The following CACNA2D2 variants were observed in gnomAD, a reference collection of about 807,000 sequenced individuals.
The protein encoded by CACNA2D2 is calcium voltage-gated channel auxiliary subunit alpha2delta 2.
CACNA2D2 carries 48 observed loss-of-function variants against 166.4 expected under a neutral mutation model. That is an observed-to-expected ratio of 0.29 (90% CI 0.23 to 0.37). CACNA2D2 has a LOEUF of 0.37. CACNA2D2 is among the 10% of genes least tolerant of loss of function. The pLI, the probability that CACNA2D2 is intolerant of heterozygous loss-of-function variation, is 1.00. For missense variants in CACNA2D2, 1,122 were observed against 1,433.0 expected, an observed-to-expected ratio of 0.78 and a Z score of 3.50; for synonymous variants, 561 against 573.7, an observed-to-expected ratio of 0.98 and a Z score of 0.32.
chr3:50,403,283 G>C (rs968549006), intron 3 of CACNA2D2, among the ~76,000 whole-genome samples: 10 of 152,070 alleles, frequency 6.6e-5, no homozygotes, highest in African/African-American at 2.4e-4. Context: ...TCCAGGTTCT[G>C]GGTTGCTCCT....
intron 3 of CACNA2D2, among the ~76,000 whole-genome samples, chr3:50,395,343 C>A (rs910005451): frequency 1.3e-5 from 2 of 152,162 alleles, no homozygotes; most frequent in Admixed American, 6.5e-5. Flanking sequence ...CCGGCTCAGG[C>A]TGGGCCCCGG....
chr3:50,371,491 G>A (rs1156915813), intron 22 of CACNA2D2, among the ~76,000 whole-genome samples: 1 of 152,190 alleles, frequency 6.6e-6, no homozygotes, highest in African/African-American at 2.4e-5. Flanking sequence ...GCACCTGGGA[G>A]GGGTCCCTCT....
intron 2 of CACNA2D2, among the ~76,000 whole-genome samples, chr3:50,456,804 G>A (rs1190390322): frequency 3.3e-5 from 5 of 152,330 alleles, no homozygotes; most frequent in Non-Finnish European, 5.9e-5. Flanking sequence ...TCATGCATAT[G>A]AGGCTACCCC....
intron 4 of CACNA2D2, among the ~76,000 whole-genome samples, chr3:50,390,640 C>CT (rs973854502): frequency 3.3e-5 from 5 of 152,172 alleles, no homozygotes; most frequent in African/African-American, 1.2e-4. Context: ...GTCACCCACT[C>CT]TGAGCTCACA....
At chr3:50,396,058 C>T (rs534495853) in intron 3 of CACNA2D2, among the ~76,000 whole-genome samples, 60 of 152,278 alleles carry the variant, frequency 3.9e-4, no homozygotes, top group African/African-American at 1.4e-3. Context: ...AGCCCAGCCT[C>T]ACACTCCTAG....
chr3:50,411,529 T>C (rs1344071278), intron 3 of CACNA2D2, among the ~76,000 whole-genome samples: 1 of 152,218 alleles, frequency 6.6e-6, no homozygotes, highest in Non-Finnish European at 1.5e-5. Context: ...CCCAACCGAC[T>C]GTCCACCAGA....
intron 2 of CACNA2D2, among the ~76,000 whole-genome samples, chr3:50,441,180 C>T (rs1224587273): frequency 3.9e-5 from 6 of 152,058 alleles, no homozygotes; most frequent in South Asian, 4.1e-4. Context: ...AAAGGCCTGG[C>T]GGCTCTGTGG....
chr3:50,380,879 C>T lies in CACNA2D2; in HGVS notation c.785-74G>A, dbSNP rs1705270135. On this transcript the variant is annotated intron_variant, in intron 7 of 37. Coordinates refer to ENST00000424201, the MANE Select transcript of CACNA2D2 (RefSeq NM_006030.4). This position sits in a 1 kb window ranked among gnomAD's most constrained non-coding sequence, Gnocchi z 4.9. ...GGGTAGGCAGACCTTGCAGAGGCGA[C>T]TGGGCTGCCACAGACTACAGAGAAG... The T allele has an allele frequency of 1.3e-6, 2 of 1,530,122 alleles. No individual in the cohort carries two copies. The highest frequency in any genetic ancestry group is 1.4e-5 in the African/African-American group (1 of 72,896). The allele number at this position is 1,530,122 out of a possible 1,614,324, so 94.8% of individuals were successfully genotyped here. A position where few individuals can be genotyped will look rare whatever the true frequency, so the allele number is the denominator to read the frequency against.
At chr3:50,492,189 C>T (rs746741167) in intron 1 of CACNA2D2, among the ~76,000 whole-genome samples, 4 of 152,290 alleles carry the variant, frequency 2.6e-5, no homozygotes, top group Non-Finnish European at 5.9e-5. Context: ...CTATGCGTTA[C>T]GTCCGTGGCT....
At chr3:50,428,257 C>A (rs1443196194) in intron 3 of CACNA2D2, among the ~76,000 whole-genome samples, 1 of 152,178 alleles carries the variant, frequency 6.6e-6, no homozygotes, top group Non-Finnish European at 1.5e-5. Flanking sequence ...GCAGCCCCAC[C>A]GCAAAGCAGG....
chr3:50,438,162 C>A (rs553769773), intron 2 of CACNA2D2, among the ~76,000 whole-genome samples: 1 of 152,258 alleles, frequency 6.6e-6, no homozygotes, highest in African/African-American at 2.4e-5. Flanking sequence ...TGGCTGAGGT[C>A]CCAAGGGACA....
chr3:50,475,992 G>T, intron 2 of CACNA2D2, 126 bp downstream of exon 2: 2 of 764,988 alleles, frequency 2.6e-6, no homozygotes, highest in Non-Finnish European at 4.3e-6. Flanking sequence ...GCCCCCACGG[G>T]CCCATCAGGT....
intron 2 of CACNA2D2, among the ~76,000 whole-genome samples, chr3:50,473,573 A>G (rs1482062303): frequency 6.6e-6 from 1 of 152,214 alleles, no homozygotes; most frequent in Non-Finnish European, 1.5e-5. Flanking sequence ...GCAGTATCAC[A>G]GCTGGGCCAG....
chr3:50,459,016 G>A (rs1346439994), intron 2 of CACNA2D2, among the ~76,000 whole-genome samples: 3 of 152,248 alleles, frequency 2.0e-5, no homozygotes, highest in African/African-American at 7.2e-5. Context: ...CAGGGGACAG[G>A]GCCAGAGCTC....
chr3:50,443,966 T>C (rs891409301), intron 2 of CACNA2D2, among the ~76,000 whole-genome samples: 2 of 152,148 alleles, frequency 1.3e-5, no homozygotes, highest in Non-Finnish European at 2.9e-5. Flanking sequence ...GAAACAGTCA[T>C]TGTGGCCCAG....
intron 1 of CACNA2D2, among the ~76,000 whole-genome samples, chr3:50,499,158 TGA>T (rs1205133424): frequency 6.6e-6 from 1 of 152,170 alleles, no homozygotes; most frequent in Non-Finnish European, 1.5e-5. Context: ...GGGCACAGCC[TGA>T]GAGAGTGGCA....
chr3:50,495,679 A>G (rs966704124), intron 1 of CACNA2D2, among the ~76,000 whole-genome samples: 1 of 152,198 alleles, frequency 6.6e-6, no homozygotes, highest in Non-Finnish European at 1.5e-5. Context: ...CCAAACCCAC[A>G]GCAGATACTC....
chr3:50,363,558 T>G lies in CACNA2D2; in HGVS notation c.*1108A>C. 6.3e-6 allele frequency: 2 copies of G among 317,500 alleles called. No homozygotes were observed. Among genetic ancestry groups the G allele is most frequent in the Non-Finnish European group, 5.6e-6 (1 of 177,198 alleles). The allele number at this position is 317,500 out of a possible 1,614,324, so 19.7% of individuals were successfully genotyped here. A position where few individuals can be genotyped will look rare whatever the true frequency, so the allele number is the denominator to read the frequency against. On this transcript the variant is annotated 3_prime_UTR_variant, in exon 38 of 38. Coordinates refer to ENST00000424201, the MANE Select transcript of CACNA2D2 (RefSeq NM_006030.4). Reference sequence around the variant, plus strand: ...TGTGTGTGTAGGGGTGGGAAGGAGATAGGGAGTGGGCACAGGCCTGAGTGT... The same window carrying G: ...TGTGTGTGTAGGGGTGGGAAGGAGAGAGGGAGTGGGCACAGGCCTGAGTGT...
rs902948268 is a variant in CACNA2D2 at position 50,375,565 on chromosome 3, G to A, written c.1907+79C>T. 34 of 1,476,082 alleles carry A rather than the reference G, an allele frequency of 2.3e-5. No individual in the cohort carries two copies. In the Admixed American group the frequency reaches 5.4e-4, roughly 24 times the overall value. 91.4% of individuals were successfully genotyped at this position (1,476,082 alleles called of 1,614,324 possible). A position where few individuals can be genotyped will look rare whatever the true frequency, so the allele number is the denominator to read the frequency against. On this transcript the variant is annotated intron_variant, in intron 21 of 37. Coordinates refer to ENST00000424201, the MANE Select transcript of CACNA2D2 (RefSeq NM_006030.4). This position sits in a 1 kb window ranked among gnomAD's most constrained non-coding sequence, Gnocchi z 4.0. ...GCCCCACTGGGATGGTGGTCACAGTGGGAGAGGGAGGGGACAGCTGGGCTC... is the reference window on the plus strand; with the variant it reads ...GCCCCACTGGGATGGTGGTCACAGTAGGAGAGGGAGGGGACAGCTGGGCTC...
Sources: allele counts gnomAD v4.1 joint callset (sites outside exome capture counted in the v4.1 genomes callset), GRCh38; gene constraint gnomAD v4.1.1; non-coding constraint Gnocchi (gnomAD v3.1); transcripts MANE v1.5; gene names NCBI Gene and HGNC (gene_info 2026-07-23, HGNC 2026-07-21).